OR2L13: variants seen among roughly 807,000 people sequenced by gnomAD.
The protein encoded by OR2L13 is olfactory receptor family 2 subfamily L member 13, also known as olfactory receptor 2L13.
Under a neutral mutation model 15.3 loss-of-function variants are expected in OR2L13, and 14 were observed. The observed-to-expected ratio is 0.91, with a 90% CI of 0.60 to 1.43. The LOEUF is 1.43. Among genes scored for constraint, OR2L13 ranks in the 40% most tolerant of loss-of-function variants. The pLI is 0.00. For synonymous variants in OR2L13, 152 were observed against 142.9 expected (o/e 1.06, Z -0.45); for missense variants, 367 against 387.9 (o/e 0.95, Z 0.45).
At chr1:248,077,800 A>G in the OR2L13 span, among the ~76,000 whole-genome samples, 1 of 152,220 alleles carries the variant, frequency 6.6e-6, no homozygotes, top group African/African-American at 2.4e-5. Context: ...GCAGGTAACT[A>G]TATATTTATT....
the OR2L13 span, among the ~76,000 whole-genome samples, chr1:248,086,331 C>T: frequency 6.6e-6 from 1 of 152,110 alleles, no homozygotes; most frequent in Non-Finnish European, 1.5e-5. Flanking sequence ...CTCTTCTCTA[C>T]AGGTGGAGGC....
At chr1:247,994,543 T>C in the OR2L13 span, among the ~76,000 whole-genome samples, 12 of 152,174 alleles carry the variant, frequency 7.9e-5, no homozygotes, top group African/African-American at 2.9e-4. Flanking sequence ...ATCTTACTTA[T>C]ATTTTGGGTC....
chr1:248,032,509 C>T, the OR2L13 span, among the ~76,000 whole-genome samples: 4 of 152,082 alleles, frequency 2.6e-5, no homozygotes, highest in South Asian at 8.3e-4. Flanking sequence ...AATTATTCTC[C>T]TTGACTCCCT....
the OR2L13 span, among the ~76,000 whole-genome samples, chr1:247,986,469 A>G: frequency 6.6e-6 from 1 of 152,054 alleles, no homozygotes; most frequent in African/African-American, 2.4e-5. Flanking sequence ...CCATTGGTCT[A>G]TATCTCTGTT....
chr1:248,083,938 G>C, the OR2L13 span: 14 of 1,611,702 alleles, frequency 8.7e-6, no homozygotes, highest in Non-Finnish European at 1.1e-5. Flanking sequence ...ACAGCAGCGA[G>C]GATGAGACCA....
At chr1:247,958,335 A>T in the OR2L13 span, among the ~76,000 whole-genome samples, 1 of 152,004 alleles carries the variant, frequency 6.6e-6, no homozygotes, top group African/African-American at 2.4e-5. Context: ...GTTCTTTTAG[A>T]TTTGCTGAGG....
chr1:247,975,637 A>G, the OR2L13 span: 4 of 1,210,884 alleles, frequency 3.3e-6, no homozygotes, highest in East Asian at 9.4e-5. Context: ...AGTGAGTCAG[A>G]GAATCTTCCC....
At chr1:247,940,123 CACATACACATATAT>C in the OR2L13 span, among the ~76,000 whole-genome samples, 22 of 152,270 alleles carry the variant, frequency 1.4e-4, no homozygotes, top group South Asian at 4.1e-3. Context: ...AAAATACATG[CACATACACATATAT>C]ACATACACAT....
the OR2L13 span, among the ~76,000 whole-genome samples, chr1:247,998,844 T>A: frequency 6.6e-6 from 1 of 152,176 alleles, no homozygotes; most frequent in Non-Finnish European, 1.5e-5. Flanking sequence ...GTACATATGG[T>A]AAAGTTTCAG....
At chr1:248,023,120 G>C in the OR2L13 span, 87 of 366,898 alleles carry the variant, frequency 2.4e-4, 5 homozygotes, top group Non-Finnish European at 9.8e-6. Flanking sequence ...AAATTGTAAG[G>C]CCATAGAATT....
chr1:248,043,697 T>C, the OR2L13 span, among the ~76,000 whole-genome samples: 1 of 152,086 alleles, frequency 6.6e-6, no homozygotes, highest in Non-Finnish European at 1.5e-5. Flanking sequence ...AGGTCCCCAG[T>C]GCAAAGCAAA....
chr1:248,087,979 A>C, the OR2L13 span, among the ~76,000 whole-genome samples: 1 of 152,326 alleles, frequency 6.6e-6, no homozygotes, highest in East Asian at 1.9e-4. Context: ...TATTTATTCA[A>C]CATTTCTACA....
At chr1:248,083,311 C>T in the OR2L13 span, among the ~76,000 whole-genome samples, 612 of 152,160 alleles carry the variant, frequency 4.0e-3, 3 homozygotes, top group Non-Finnish European at 5.5e-3. Flanking sequence ...AATATTTCCA[C>T]GCTATGTGAA....
the OR2L13 span, among the ~76,000 whole-genome samples, chr1:248,050,949 G>C: frequency 6.6e-6 from 1 of 151,856 alleles, no homozygotes; most frequent in African/African-American, 2.4e-5. Context: ...AAATGTATTT[G>C]GAAATCCAAA....
chr1:247,952,087 G>A, the OR2L13 span, among the ~76,000 whole-genome samples: 22 of 152,276 alleles, frequency 1.4e-4, no homozygotes, highest in South Asian at 1.2e-3. Flanking sequence ...CCCAAACTGC[G>A]TGCTAACACT....
chr1:248,054,106 C>T, the OR2L13 span, among the ~76,000 whole-genome samples: 1 of 152,148 alleles, frequency 6.6e-6, no homozygotes, highest in South Asian at 2.1e-4. Context: ...ACATTTCAGT[C>T]TTTAATCCAT....
the OR2L13 span, chr1:248,061,793 C>A: frequency 2.1e-6 from 1 of 485,994 alleles, no homozygotes; most frequent in Non-Finnish European, 3.4e-6. Context: ...ATATATAACT[C>A]CAAACAACCT....
the OR2L13 span, among the ~76,000 whole-genome samples, chr1:247,983,443 C>T: frequency 4.6e-5 from 7 of 152,096 alleles, no homozygotes; most frequent in East Asian, 1.9e-4. Context: ...TAGATATATA[C>T]ATTTTATGAG....
chr1:248,005,255 A>T, the OR2L13 span, among the ~76,000 whole-genome samples: 3 of 152,176 alleles, frequency 2.0e-5, no homozygotes, highest in Non-Finnish European at 4.4e-5. Flanking sequence ...CCCAAATTTG[A>T]TCATTACACA....
Sources: allele counts gnomAD v4.1 joint callset (sites outside exome capture counted in the v4.1 genomes callset), GRCh38; gene constraint gnomAD v4.1.1; transcripts MANE v1.5; gene names NCBI Gene and HGNC (gene_info 2026-07-23, HGNC 2026-07-21).